SUCO: variants seen among roughly 807,000 people sequenced by gnomAD.
The protein encoded by SUCO is SUN domain containing ossification factor.
A neutral mutation model predicts 148.1 loss-of-function variants in SUCO; 57 were observed. The ratio of observed to expected loss-of-function variants is 0.38; its 90% CI spans 0.31 to 0.48. SUCO has a LOEUF of 0.48. SUCO is among the 20% of genes least tolerant of loss of function. The probability of loss-of-function intolerance (pLI) is 0.96; values close to 1 mark genes in which losing one functional copy is unlikely to be tolerated. For synonymous variants in SUCO, 470 were observed against 502.7 expected, an observed-to-expected ratio of 0.93 and a Z score of 0.87; for missense variants, 1,331 against 1,468.2, an observed-to-expected ratio of 0.91 and a Z score of 1.53.
intron 1 of SUCO, among the ~76,000 whole-genome samples, chr1:172,548,392 T>C (rs1653024271): frequency 6.6e-6 from 1 of 152,030 alleles, no homozygotes; most frequent in Admixed American, 6.5e-5. Flanking sequence ...CTTAATTTTC[T>C]TTGCTGTTTT....
intron 7 of SUCO, among the ~76,000 whole-genome samples, chr1:172,569,713 A>G (rs574090002): frequency 1.3e-5 from 2 of 152,308 alleles, no homozygotes; most frequent in Admixed American, 1.3e-4. Flanking sequence ...AAACAATAAA[A>G]TAATGTAAGA....
chr1:172,599,971 A>C, intron 19 of SUCO, 93 bp from the exon 20 acceptor site: 1 of 854,780 alleles, frequency 1.2e-6, no homozygotes, highest in South Asian at 2.0e-5. Context: ...TTTTGGAATA[A>C]CTTAATGGTT....
chr1:172,535,552 G>T (rs956134933), intron 1 of SUCO, among the ~76,000 whole-genome samples: 2 of 152,132 alleles, frequency 1.3e-5, no homozygotes, highest in African/African-American at 4.8e-5. Context: ...TCTAACTTTT[G>T]CTGCAATCTG....
At chr1:172,568,975 T>C in intron 6 of SUCO, 44 bp from the exon 7 acceptor site, 15 of 1,495,572 alleles carry the variant, frequency 1.0e-5, no homozygotes, top group Non-Finnish European at 1.3e-5. Flanking sequence ...TTATTTGTAT[T>C]ATTTGAAAGT....
chr1:172,573,658 A>T lies in SUCO; in HGVS notation c.1050-233A>T, dbSNP rs73034036. On this transcript the variant is annotated intron_variant, in intron 9 of 23. Transcript: ENST00000263688. ...AAAAAGGAATTTTTAAAAAAAAATG[A>T]TGGAGCAAAATCAATATTGTTTTAT... is the stretch of plus-strand genomic sequence containing the variant. 3.6e-3 allele frequency among the ~76,000 whole-genome samples: 545 copies of T among 152,268 alleles called. 3 individuals are homozygous for T. The highest frequency in any genetic ancestry group is 0.011 in the African/African-American group (477 of 41,584).
At chr1:172,562,343 T>A (rs929633315) in intron 6 of SUCO, among the ~76,000 whole-genome samples, 4 of 151,562 alleles carry the variant, frequency 2.6e-5, no homozygotes, top group Admixed American at 2.0e-4. Context: ...TTTTTTTTTT[T>A]TTTTATTTTG....
intron 19 of SUCO, among the ~76,000 whole-genome samples, chr1:172,596,780 C>T (rs549906048): frequency 2.0e-5 from 3 of 152,218 alleles, no homozygotes; most frequent in African/African-American, 7.2e-5. Flanking sequence ...AGATCTCAAA[C>T]TCCATGCTTG....
chr1:172,602,498 A>G (rs1571294506), intron 21 of SUCO, 198 bp from the exon 22 acceptor site: 10 of 982,594 alleles, frequency 1.0e-5, no homozygotes, highest in Non-Finnish European at 1.2e-5. Flanking sequence ...GAAGAAGAGA[A>G]TACTATTTTA....
intron 6 of SUCO, among the ~76,000 whole-genome samples, chr1:172,561,349 G>GT (rs1455640766): frequency 6.6e-6 from 1 of 152,146 alleles, no homozygotes; most frequent in Non-Finnish European, 1.5e-5. Context: ...GATTGCTGTG[G>GT]TTAGTTAGGA....
chr1:172,588,739 T>G (rs1656406918), intron 17 of SUCO, 21 bp from the exon 18 acceptor site: 1 of 1,363,020 alleles, frequency 7.3e-7, no homozygotes, highest in Non-Finnish European at 9.6e-7. Flanking sequence ...TGATTTATAA[T>G]TATGATATAT....
rs1379251907 is a variant in SUCO at position 172,589,281 on chromosome 1, A to G, written c.2180A>G (p.Gln727Arg). The G allele has an allele frequency of 6.2e-7, 1 of 1,613,820 alleles. No homozygotes were observed. The highest frequency in any genetic ancestry group is 2.2e-5 in the East Asian group (1 of 44,880). Residue 727 changes from glutamine (Q) to arginine (R), a missense_variant, in exon 18 of 24, where the codon CAA becomes CGA. Physicochemically the swap from Gln to Arg is conservative, Grantham distance 43. Coordinates refer to ENST00000263688, the MANE Select transcript of SUCO (RefSeq NM_014283.5). ...GTTGAACTTGAACCAAGCCATTCTC[A>G]AACTCTTTCTCAGTCTCTTCTTTTA... ...DAVELEPSHS[Q>R]TLSQSLLLDI...
chr1:172,590,929 C>G, intron 18 of SUCO, 55 bp from the exon 19 acceptor site: 1 of 1,254,916 alleles, frequency 8.0e-7, no homozygotes, highest in Non-Finnish European at 1.1e-6. Flanking sequence ...GTTTCCATTA[C>G]TAAGTGGAAT....
intron 7 of SUCO, 57 bp from the exon 8 acceptor site, chr1:172,569,990 T>C: frequency 7.7e-7 from 1 of 1,300,446 alleles, no homozygotes; most frequent in Non-Finnish European, 9.8e-7. Flanking sequence ...TAGAGGTATT[T>C]TCAGTCATAA....
chr1:172,589,690 T>C lies in SUCO; in HGVS notation c.2589T>C (p.Pro863=). The change falls in exon 18 of 24, where the codon CCT becomes CCC. Residue 863 remains proline, a synonymous_variant. Coordinates refer to ENST00000263688, the MANE Select transcript of SUCO (RefSeq NM_014283.5). ...LISVVDSSSL[P]EVKEEEQSPE... is the part of the protein sequence containing the mutation. ...CTGTTGTGGATTCTTCTTCATTACC[T>C]GAAGTAAAAGAAGAAGAACAGTCTC... 1 of 1,613,802 alleles carries C rather than the reference T, an allele frequency of 6.2e-7. No homozygotes were observed. The highest frequency in any genetic ancestry group is 8.5e-7 in the Non-Finnish European group (1 of 1,179,806).
intron 22 of SUCO, among the ~76,000 whole-genome samples, chr1:172,604,959 T>G (rs926390498): frequency 6.6e-6 from 1 of 151,912 alleles, no homozygotes; most frequent in African/African-American, 2.4e-5. Context: ...TCTTGGCTGT[T>G]GTTTGAGTAG....
chr1:172,571,708 G>A (rs1368916842), intron 9 of SUCO, among the ~76,000 whole-genome samples: 40 of 90,340 alleles, frequency 4.4e-4, no homozygotes, highest in African/African-American at 1.7e-3. Flanking sequence ...CCTCTGCCCC[G>A]CCGCCCCGTC....
intron 6 of SUCO, among the ~76,000 whole-genome samples, chr1:172,561,392 A>G (rs1654142185): frequency 6.6e-6 from 1 of 152,270 alleles, no homozygotes; most frequent in African/African-American, 2.4e-5. Flanking sequence ...GATTTTTTGG[A>G]TAAGTCAGAA....
rs74870390 is a variant in SUCO at position 172,579,673 on chromosome 1, A to T, written c.1498+406A>T. Among the ~76,000 whole-genome samples, 1,455 of 152,126 alleles carry T rather than the reference A, an allele frequency of 9.6e-3. 26 individuals carry two copies. The highest frequency in any genetic ancestry group is 0.033 in the African/African-American group (1,388 of 41,526). ...CATCATGATAATGAATACCAATAAG[A>T]ATACTAGTAATAATATACTCCTTGT... is the stretch of plus-strand genomic sequence containing the variant. On this transcript the variant is annotated intron_variant, in intron 15 of 23. Transcript: ENST00000263688.
chr1:172,548,354 T>C (rs1653020446), intron 1 of SUCO, among the ~76,000 whole-genome samples: 1 of 151,992 alleles, frequency 6.6e-6, no homozygotes, highest in Admixed American at 6.5e-5. Context: ...TGTCTAATAC[T>C]TTCTTCAAAG....
Sources: allele counts gnomAD v4.1 joint callset (sites outside exome capture counted in the v4.1 genomes callset), GRCh38; gene constraint gnomAD v4.1.1; transcripts MANE v1.5; gene names NCBI Gene and HGNC (gene_info 2026-07-23, HGNC 2026-07-21).